Variants in NRP1 observed in about 807,000 individuals in gnomAD.
NRP1 encodes neuropilin 1, also known as neuropilin-1.
In NRP1, 35 loss-of-function variants were observed where a neutral mutation model predicts 106.7. The observed-to-expected ratio is 0.33, with a 90% CI of 0.25 to 0.43. NRP1 has a LOEUF of 0.43. Among genes scored for constraint, NRP1 ranks in the 20% least tolerant of loss-of-function variants. The pLI, the probability that NRP1 is intolerant of heterozygous loss-of-function variation, is 1.00. For synonymous variants in NRP1, 437 were observed against 417.9 expected (o/e 1.05, Z -0.56); for missense variants, 1,024 against 1,170.4 (o/e 0.87, Z 1.83).
intron 2 of NRP1, among the ~76,000 whole-genome samples, chr10:33,311,890 G>A (rs988503561): frequency 5.3e-5 from 8 of 152,154 alleles, no homozygotes; most frequent in Non-Finnish European, 1.0e-4. Context: ...AAGTCGCAAG[G>A]CCAGTCTCAG....
At chr10:33,202,525 A>C in intron 11 of NRP1, 1 of 1,283,370 alleles carries the variant, frequency 7.8e-7, no homozygotes, top group Non-Finnish European at 1.0e-6. Flanking sequence ...GAAAATAAAC[A>C]TTCTGAAGTG....
chr10:33,197,851 C>T (rs1836900058), intron 11 of NRP1, 142 bp from the exon 12 acceptor site: 1 of 444,574 alleles, frequency 2.2e-6, no homozygotes, highest in Non-Finnish European at 4.0e-6. Context: ...GCAATTGTTT[C>T]CCTTCAATTT....
chr10:33,279,463 T>C (rs1015902249), intron 2 of NRP1, among the ~76,000 whole-genome samples: 10 of 152,180 alleles, frequency 6.6e-5, no homozygotes, highest in African/African-American at 1.9e-4. Flanking sequence ...GAGCCAGCAA[T>C]TGATAATCTC....
chr10:33,222,721 A>C (rs1041996037), intron 7 of NRP1, among the ~76,000 whole-genome samples: 2 of 152,078 alleles, frequency 1.3e-5, no homozygotes, highest in African/African-American at 2.4e-5. Context: ...GGGTTTCACC[A>C]TGTTGGTTGG....
intron 3 of NRP1, among the ~76,000 whole-genome samples, chr10:33,270,405 C>T (rs972605392): frequency 6.6e-6 from 1 of 151,050 alleles, no homozygotes; most frequent in Non-Finnish European, 1.5e-5. Flanking sequence ...CGGCTCACTG[C>T]AACCTCCACC....
At chr10:33,208,149 C>A (rs756449962) in intron 9 of NRP1, among the ~76,000 whole-genome samples, 14 of 152,140 alleles carry the variant, frequency 9.2e-5, no homozygotes, top group Non-Finnish European at 1.8e-4. Flanking sequence ...TTGTCTCGAA[C>A]TTAGGGTCTC....
chr10:33,281,393 C>G (rs1844120721), intron 2 of NRP1, among the ~76,000 whole-genome samples: 1 of 151,692 alleles, frequency 6.6e-6, no homozygotes, highest in Non-Finnish European at 1.5e-5. Context: ...TTTTTTATCA[C>G]AGTCATGCAG....
At chr10:33,321,312 C>T (rs1487144931) in intron 2 of NRP1, among the ~76,000 whole-genome samples, 1 of 152,074 alleles carries the variant, frequency 6.6e-6, no homozygotes. Context: ...TTATTTTTAC[C>T]ATCTTTTCTG....
chr10:33,207,030 C>T (rs938410558), intron 10 of NRP1, among the ~76,000 whole-genome samples: 10 of 152,276 alleles, frequency 6.6e-5, no homozygotes, highest in South Asian at 2.1e-4. Context: ...GTCTGTCAAA[C>T]GCTGCTTTCT....
At chr10:33,296,792 GCTGAGGCAGATGGATCAT>G (rs993337820) in intron 2 of NRP1, among the ~76,000 whole-genome samples, 6 of 152,120 alleles carry the variant, frequency 3.9e-5, no homozygotes, top group African/African-American at 1.4e-4. Flanking sequence ...AATTTGGGAG[GCTGAGGCAGATGGATCAT>G]CTGAGGCCAG....
At chr10:33,316,216 C>A (rs953725506) in intron 2 of NRP1, among the ~76,000 whole-genome samples, 1 of 152,122 alleles carries the variant, frequency 6.6e-6, no homozygotes, top group East Asian at 1.9e-4. Context: ...TGGCAAATAG[C>A]TGCAGAAATG....
At position 33,180,345 on chromosome 10, in the gene NRP1, C is replaced by G. The variant is rs1835605457; in HGVS notation, c.2503G>C (p.Gly835Arg). The G allele has an allele frequency of 6.2e-7, 1 of 1,601,658 alleles. No homozygotes were observed. Among genetic ancestry groups the G allele is most frequent in the Non-Finnish European group, 8.5e-7 (1 of 1,170,572 alleles). The change falls in exon 17 of 17, where the codon GGT becomes CGT. Residue 835 changes from glycine (G) to arginine (R), a missense_variant. This residue lies in a region of NRP1 where 164 missense variants were observed against 161.4 expected (regional missense o/e 1.02). Coordinates refer to ENST00000374867, the MANE Select transcript of NRP1 (RefSeq NM_003873.7). ...DETGSTPGYE[G>R]EGEGDKNISR... ...ATGTTCTTGTCACCTTCTCCTTCAC[C>G]TTCGTATCCTGGCGTGCTCCCTATG...
chr10:33,264,224 C>G (rs1490078674), intron 3 of NRP1, among the ~76,000 whole-genome samples: 1 of 152,160 alleles, frequency 6.6e-6, no homozygotes, highest in Non-Finnish European at 1.5e-5. Flanking sequence ...CAAGCTTAAA[C>G]CTTTAAATCT....
chr10:33,251,822 C>G (rs1841879133), intron 6 of NRP1, among the ~76,000 whole-genome samples: 3 of 152,100 alleles, frequency 2.0e-5, no homozygotes, highest in Admixed American at 2.0e-4. Context: ...CCCACATTAC[C>G]AAGAATGGGA....
chr10:33,264,398 A>G (rs542432747), intron 3 of NRP1, among the ~76,000 whole-genome samples: 1 of 152,350 alleles, frequency 6.6e-6, no homozygotes, highest in South Asian at 2.1e-4. Context: ...GGTAATTCGT[A>G]CATGTACCAA....
At chr10:33,315,819 T>C (rs1846990165) in intron 2 of NRP1, among the ~76,000 whole-genome samples, 1 of 152,126 alleles carries the variant, frequency 6.6e-6, no homozygotes, top group Non-Finnish European at 1.5e-5. Context: ...CATTTTGACA[T>C]GGAGTCTCAG....
intron 2 of NRP1, among the ~76,000 whole-genome samples, chr10:33,296,637 G>C (rs957298016): frequency 6.6e-6 from 1 of 152,172 alleles, no homozygotes; most frequent in Admixed American, 6.5e-5. Flanking sequence ...GTGTTCCAAG[G>C]CTTCACCCCT....
intron 10 of NRP1, among the ~76,000 whole-genome samples, chr10:33,204,040 TA>T (rs1249500443): frequency 2.6e-5 from 4 of 152,304 alleles, no homozygotes; most frequent in East Asian, 1.9e-4. Context: ...TTCGTTCAGA[TA>T]TTTTTTTTAG....
In NRP1 at chr10:33,186,518, A is replaced by C. The variant is rs777588919; in HGVS notation, c.2063-30T>G. The stretch of plus-strand genomic sequence containing the variant: ...TGTGACAAAGAACTGTGTTAGGGAG[A>C]GTGGCCAGGATTACCACACTTTTAT... On this transcript the variant is annotated intron_variant, in intron 13 of 16. Transcript: ENST00000374867. 4 of 1,576,540 alleles carry C rather than the reference A, an allele frequency of 2.5e-6. No homozygotes were observed. The Admixed American group carries it at 6.9e-5, about 27-fold the overall frequency.
Sources: gnomAD v4.1 joint callset for allele counts (sites outside exome capture counted in the v4.1 genomes callset) on GRCh38, gnomAD v4.1.1 for gene constraint, gnomAD v4.1.1 regional missense constraint, MANE v1.5 for transcripts, NCBI Gene and HGNC (gene_info 2026-07-23, HGNC 2026-07-21) for gene names.